The following PDE10A variants were observed in gnomAD, a reference collection of about 807,000 sequenced individuals.
PDE10A encodes cAMP and cAMP-inhibited cGMP 3',5'-cyclic phosphodiesterase 10A.
In PDE10A, 39 loss-of-function variants were observed where a neutral mutation model predicts 97.7. The observed-to-expected ratio is 0.40, with a 90% CI of 0.31 to 0.52. The LOEUF is 0.52. PDE10A is among the 20% of genes least tolerant of loss of function. The probability of loss-of-function intolerance (pLI) is 0.56; values close to 1 mark genes in which losing one functional copy is unlikely to be tolerated. For synonymous variants in PDE10A, 371 were observed against 376.8 expected (o/e 0.98, Z 0.18); for missense variants, 731 against 1,047.8 (o/e 0.70, Z 4.17).
rs1052176003 is a variant in PDE10A, at chr6:165,754,828, G to A, written c.-614-211260C>T. Among the ~76,000 whole-genome samples, 3 of 152,152 alleles carry A rather than the reference G, an allele frequency of 2.0e-5. No individual in the cohort carries two copies. The South Asian group carries it at 6.2e-4, about 32-fold the overall frequency. ...GATAAAGCATCTAATGCACTCAGCT[G>A]ATGATCCTTTCGGGGTCAAAAATAG... is the stretch of plus-strand genomic sequence containing the variant. On this transcript the variant is annotated intron_variant, in intron 1 of 19. Coordinates refer to the PDE10A transcript ENST00000366882.
chr6:165,412,853 A>C (rs572914729), intron 13 of PDE10A, among the ~76,000 whole-genome samples: 1 of 152,180 alleles, frequency 6.6e-6, no homozygotes, highest in Non-Finnish European at 1.5e-5. Context: ...GAATTCTAGT[A>C]ATATTATTAA....
intron 1 of PDE10A, among the ~76,000 whole-genome samples, chr6:165,969,771 G>A (rs1460492283): frequency 6.6e-6 from 1 of 151,944 alleles, no homozygotes; most frequent in African/African-American, 2.4e-5. Context: ...CCCAAACCTG[G>A]GACAATTTAA....
At chr6:165,496,279 C>G (rs1387744781) in intron 2 of PDE10A, among the ~76,000 whole-genome samples, 7 of 152,138 alleles carry the variant, frequency 4.6e-5, no homozygotes, top group Non-Finnish European at 5.9e-5. Context: ...CTCTCAAGAG[C>G]AATAAGCCCA....
intron 1 of PDE10A, among the ~76,000 whole-genome samples, chr6:165,888,354 C>T (rs1234151783): frequency 6.6e-6 from 1 of 151,788 alleles, no homozygotes; most frequent in Non-Finnish European, 1.5e-5. Flanking sequence ...GGTGTGATCT[C>T]AGCTCACTGC....
In PDE10A at chr6:165,924,762, A is replaced by T. The variant is rs1313852729; in HGVS notation, c.-615+62767T>A. Reference sequence around the variant, plus strand: ...ATCCTCAGACCTTATATGGAAATTAACCCAAAATGGATCACAAACTTAAAT... The same window carrying T: ...ATCCTCAGACCTTATATGGAAATTATCCCAAAATGGATCACAAACTTAAAT... On this transcript the variant is annotated intron_variant, in intron 1 of 19. Coordinates refer to the PDE10A transcript ENST00000366882. Among the ~76,000 whole-genome samples, 4 of 152,236 alleles carry T rather than the reference A, an allele frequency of 2.6e-5. No individual in the cohort carries two copies. In the East Asian group the frequency reaches 7.7e-4, roughly 29 times the overall value.
intron 1 of PDE10A, among the ~76,000 whole-genome samples, chr6:165,560,380 G>C (rs1003953421): frequency 6.6e-6 from 1 of 152,220 alleles, no homozygotes; most frequent in African/African-American, 2.4e-5. Flanking sequence ...CCAATGGCAA[G>C]AATCAGTTTG....
chr6:165,617,502 C>A (rs1178125129), intron 1 of PDE10A, among the ~76,000 whole-genome samples: 1 of 152,032 alleles, frequency 6.6e-6, no homozygotes, highest in Non-Finnish European at 1.5e-5. Flanking sequence ...TTAAAATAAG[C>A]CTTTACATCT....
chr6:165,922,959 G>C (rs986197311), intron 1 of PDE10A, among the ~76,000 whole-genome samples: 13 of 152,184 alleles, frequency 8.5e-5, no homozygotes, highest in African/African-American at 3.1e-4. Context: ...CACAGAGGAT[G>C]ACTTTACCTC....
chr6:165,629,918 C>T (rs745544341), intron 1 of PDE10A, among the ~76,000 whole-genome samples: 6 of 152,044 alleles, frequency 3.9e-5, no homozygotes, highest in Non-Finnish European at 8.8e-5. Context: ...TTTTAGTCAG[C>T]TGAGGAGTAG....
intron 1 of PDE10A, among the ~76,000 whole-genome samples, chr6:165,986,759 G>A (rs1785233715): frequency 6.6e-6 from 1 of 151,452 alleles, no homozygotes; most frequent in Admixed American, 6.6e-5. Flanking sequence ...GGTGTCTTAT[G>A]GTTGGGCTTG....
At chr6:165,823,944 G>A (rs1779653626) in intron 1 of PDE10A, among the ~76,000 whole-genome samples, 2 of 152,104 alleles carry the variant, frequency 1.3e-5, no homozygotes, top group Admixed American at 6.5e-5. Flanking sequence ...AATTCACAGA[G>A]GGCAATACTT....
At chr6:165,693,266 C>T (rs892319873) in intron 1 of PDE10A, among the ~76,000 whole-genome samples, 1 of 152,080 alleles carries the variant, frequency 6.6e-6, no homozygotes, top group African/African-American at 2.4e-5. Context: ...CACGGTGGCT[C>T]ACGCCTGTAA....
rs562307483 is a variant in PDE10A, at chr6:165,754,737, C to A, written c.-614-211169G>T. ...TCACTTAACCTCCTAAAGCTTCAGT[C>A]CTCTCATCTATAAAATGATAATAGT... On this transcript the variant is annotated intron_variant, in intron 1 of 19. Transcript: ENST00000366882. Among the ~76,000 whole-genome samples, 3 of 152,234 alleles carry A rather than the reference C, an allele frequency of 2.0e-5. No individual in the cohort carries two copies. In the East Asian group the frequency reaches 5.8e-4, roughly 29 times the overall value.
intron 1 of PDE10A, among the ~76,000 whole-genome samples, chr6:165,788,535 A>AAG (rs954456125): frequency 3.3e-5 from 5 of 149,308 alleles, no homozygotes; most frequent in Non-Finnish European, 5.9e-5. Context: ...AAAAAAAAAA[A>AAG]AAAAGAAAAG....
chr6:165,617,051 GA>G (rs1787757835), intron 1 of PDE10A, among the ~76,000 whole-genome samples: 1 of 152,156 alleles, frequency 6.6e-6, no homozygotes, highest in Non-Finnish European at 1.5e-5. Context: ...TCTCAATAAT[GA>G]AAGAAAAGAC....
rs532010966 is a variant in PDE10A, at chr6:165,817,297, A to T, written c.-615+170232T>A. Among the ~76,000 whole-genome samples the T allele has an allele frequency of 3.3e-5, 5 of 152,236 alleles. No individual in the cohort carries two copies. In the South Asian group the frequency reaches 1.0e-3, roughly 32 times the overall value. On this transcript the variant is annotated intron_variant, in intron 1 of 19. Coordinates refer to the PDE10A transcript ENST00000366882. Reference sequence around the variant, plus strand: ...CCTGGGAATAAACATCCTGGGAAAGACATTCACTGGCCCCATAGGGTCAAG... The same window carrying T: ...CCTGGGAATAAACATCCTGGGAAAGTCATTCACTGGCCCCATAGGGTCAAG...
intron 1 of PDE10A, among the ~76,000 whole-genome samples, chr6:165,695,977 G>T (rs563244896): frequency 6.6e-6 from 1 of 152,192 alleles, no homozygotes; most frequent in South Asian, 2.1e-4. Context: ...TTGAACCTCT[G>T]TGTGAAGTCA....
At chr6:165,597,079 C>A (rs1434928785) in intron 1 of PDE10A, among the ~76,000 whole-genome samples, 1 of 152,084 alleles carries the variant, frequency 6.6e-6, no homozygotes, top group Non-Finnish European at 1.5e-5. Flanking sequence ...TGCTTATCAA[C>A]AATCTGACAC....
chr6:165,677,142 G>A (rs991727657), intron 1 of PDE10A, among the ~76,000 whole-genome samples: 2 of 152,188 alleles, frequency 1.3e-5, no homozygotes, highest in African/African-American at 2.4e-5. Context: ...GAGGATTAAC[G>A]TTAGATCCGT....
Sources: allele counts gnomAD v4.1 joint callset (sites outside exome capture counted in the v4.1 genomes callset), GRCh38; gene constraint gnomAD v4.1.1; transcripts MANE v1.5; gene names NCBI Gene and HGNC (gene_info 2026-07-23, HGNC 2026-07-21).